ZMAT4: variants seen among roughly 807,000 people sequenced by gnomAD.
ZMAT4 encodes zinc finger matrin-type 4, also known as zinc finger matrin-type protein 4.
In ZMAT4, 17 loss-of-function variants were observed where a neutral mutation model predicts 28.7. The observed-to-expected ratio is 0.59, with a 90% CI of 0.41 to 0.89. ZMAT4 has a LOEUF of 0.89. Ranked by LOEUF, ZMAT4 falls within the 40% of genes least tolerant of loss-of-function variation. ZMAT4 has a pLI of 0.00. For missense variants in ZMAT4, 240 were observed against 283.8 expected, an observed-to-expected ratio of 0.85 and a Z score of 1.11; for synonymous variants, 117 against 109.2, an observed-to-expected ratio of 1.07 and a Z score of -0.44.
At chr8:40,871,812 T>A (rs868457849) in intron 1 of ZMAT4, among the ~76,000 whole-genome samples, 1 of 152,242 alleles carries the variant, frequency 6.6e-6, no homozygotes, top group African/African-American at 2.4e-5. Flanking sequence ...CATTCCCTCA[T>A]GCTCTTTTCT....
chr8:40,657,862 A>G (rs909411171), intron 5 of ZMAT4, among the ~76,000 whole-genome samples: 134 of 152,272 alleles, frequency 8.8e-4, no homozygotes, highest in African/African-American at 3.2e-3. Context: ...AGTTTTCTTT[A>G]TATTTATCTT....
chr8:40,586,982 G>A (rs1330412525), intron 5 of ZMAT4, among the ~76,000 whole-genome samples: 1 of 152,004 alleles, frequency 6.6e-6, no homozygotes, highest in Non-Finnish European at 1.5e-5. Context: ...GTGTGAAATG[G>A]AACCAGACAA....
intron 2 of ZMAT4, among the ~76,000 whole-genome samples, chr8:40,820,247 T>C (rs890389651): frequency 6.6e-6 from 1 of 151,128 alleles, no homozygotes; most frequent in Non-Finnish European, 1.5e-5. Flanking sequence ...CGTGTGCGCA[T>C]ATATGTGAGT....
intron 2 of ZMAT4, among the ~76,000 whole-genome samples, chr8:40,770,633 C>T (rs533964705): frequency 6.6e-6 from 1 of 150,656 alleles, no homozygotes; most frequent in East Asian, 2.0e-4. Flanking sequence ...CTGCAACCTC[C>T]ACCTCCCAGG....
At chr8:40,868,255 G>A (rs75799976) in intron 1 of ZMAT4, among the ~76,000 whole-genome samples, 1 of 152,056 alleles carries the variant, frequency 6.6e-6, no homozygotes, top group Non-Finnish European at 1.5e-5. Context: ...AAATCAAGAG[G>A]ACCACAGGAT....
intron 1 of ZMAT4, among the ~76,000 whole-genome samples, chr8:40,883,339 G>A (rs962212327): frequency 3.9e-5 from 6 of 152,092 alleles, no homozygotes; most frequent in Non-Finnish European, 7.4e-5. Flanking sequence ...CTGTAGACAT[G>A]GAAATAGAAC....
intron 2 of ZMAT4, among the ~76,000 whole-genome samples, chr8:40,822,592 G>A (rs992780909): frequency 6.6e-6 from 1 of 152,182 alleles, no homozygotes; most frequent in Non-Finnish European, 1.5e-5. Context: ...TCTGATGCAA[G>A]CCATCTTCTT....
intron 5 of ZMAT4, among the ~76,000 whole-genome samples, chr8:40,657,827 T>G (rs1249741817): frequency 6.6e-6 from 1 of 152,210 alleles, no homozygotes; most frequent in Non-Finnish European, 1.5e-5. Context: ...AGTGAGGAAT[T>G]AATGTATGTA....
intron 3 of ZMAT4, among the ~76,000 whole-genome samples, chr8:40,738,923 T>C (rs960810494): frequency 1.3e-5 from 2 of 152,210 alleles, no homozygotes; most frequent in African/African-American, 4.8e-5. Flanking sequence ...ACTTCATTAA[T>C]CGTGAAATTT....
intron 6 of ZMAT4, among the ~76,000 whole-genome samples, chr8:40,548,561 G>A (rs183589286): frequency 6.6e-6 from 1 of 152,266 alleles, no homozygotes; most frequent in East Asian, 1.9e-4. Flanking sequence ...TATTTTCTTA[G>A]AGATTCTGAT....
intron 5 of ZMAT4, among the ~76,000 whole-genome samples, chr8:40,623,981 G>A (rs1806288171): frequency 6.6e-6 from 1 of 152,152 alleles, no homozygotes; most frequent in African/African-American, 2.4e-5. Context: ...ACCTGTGGAG[G>A]AGTGCCTGGG....
At chr8:40,550,281 C>T (rs1378761174) in intron 6 of ZMAT4, among the ~76,000 whole-genome samples, 1 of 152,118 alleles carries the variant, frequency 6.6e-6, no homozygotes, top group African/African-American at 2.4e-5. Context: ...CAGGATGCTT[C>T]CACCTGACCA....
chr8:40,724,127 C>T (rs1044976391), intron 3 of ZMAT4, among the ~76,000 whole-genome samples: 1 of 152,112 alleles, frequency 6.6e-6, no homozygotes, highest in African/African-American at 2.4e-5. Context: ...GCACAAAAGA[C>T]GTTCCCCAGT....
chr8:40,566,417 C>T (rs1480256431), intron 6 of ZMAT4, among the ~76,000 whole-genome samples: 1 of 152,130 alleles, frequency 6.6e-6, no homozygotes, highest in African/African-American at 2.4e-5. Context: ...GAGAACCTGA[C>T]CTCCTTCCTA....
chr8:40,625,629 T>C (rs1037519598), intron 5 of ZMAT4, among the ~76,000 whole-genome samples: 2 of 152,122 alleles, frequency 1.3e-5, no homozygotes, highest in African/African-American at 4.8e-5. Context: ...TGGTACCATT[T>C]ACAGCAACAA....
chr8:40,748,959 T>C (rs933568792), intron 3 of ZMAT4, among the ~76,000 whole-genome samples: 1 of 152,150 alleles, frequency 6.6e-6, no homozygotes, highest in African/African-American at 2.4e-5. Context: ...TGGAGGCTGT[T>C]TCCCCAGTGC....
At chr8:40,869,803 G>C (rs1482343811) in intron 1 of ZMAT4, among the ~76,000 whole-genome samples, 1 of 152,204 alleles carries the variant, frequency 6.6e-6, no homozygotes, top group Non-Finnish European at 1.5e-5. Flanking sequence ...TCAGTGAAGA[G>C]TTCCACACAC....
In ZMAT4 at chr8:40,530,846, T is replaced by A. The variant is rs1028186904; in HGVS notation, c.*1377A>T. 1 of 152,554 alleles carries A rather than the reference T, an allele frequency of 6.6e-6. No homozygotes were observed. The highest frequency in any genetic ancestry group is 1.5e-5 in the Non-Finnish European group (1 of 68,068). The allele number at this position is 152,554 out of a possible 1,614,324, so 9.5% of individuals were successfully genotyped here. On this transcript the variant is annotated 3_prime_UTR_variant, in exon 7 of 7. Coordinates refer to ENST00000297737, the MANE Select transcript of ZMAT4 (RefSeq NM_024645.3). ...CTGGTCCCTCCTGAGCGGGCCCTGC[T>A]CAAGGGAATGGTGCCAGATTTTGAA...
chr8:40,891,271 A>ACGGGGG, intron 1 of ZMAT4, among the ~76,000 whole-genome samples: 1 of 86,062 alleles, frequency 1.2e-5, no homozygotes, highest in African/African-American at 4.5e-5. Flanking sequence ...GGGGAGGGGG[A>ACGGGGG]AGGGGAAATT....
Sources: allele counts gnomAD v4.1 joint callset (sites outside exome capture counted in the v4.1 genomes callset), GRCh38; gene constraint gnomAD v4.1.1; transcripts MANE v1.5; gene names NCBI Gene and HGNC (gene_info 2026-07-23, HGNC 2026-07-21).